The following PKIB variants were observed in gnomAD, a reference collection of about 807,000 sequenced individuals.
PKIB encodes cAMP-dependent protein kinase inhibitor beta.
Under a neutral mutation model 4.5 loss-of-function variants are expected in PKIB, and 2 were observed. That is an observed-to-expected ratio of 0.44 (90% CI 0.18 to 1.39). The LOEUF (loss-of-function observed/expected upper bound fraction) is 1.39. Ranked by LOEUF, PKIB falls within the 40% of genes most tolerant of loss-of-function variation. The probability of loss-of-function intolerance (pLI) is 0.27; values close to 1 mark genes in which losing one functional copy is unlikely to be tolerated. For synonymous variants in PKIB, 38 were observed against 36.0 expected (o/e 1.06, Z -0.20); for missense variants, 94 against 92.6 (o/e 1.02, Z -0.06).
intron 2 of PKIB, chr6:122,581,689 C>T (rs1036729614): frequency 2.6e-5 from 4 of 151,878 alleles, no homozygotes; most frequent in African/African-American, 9.7e-5. Flanking sequence ...TGTGATTTAC[C>T]TAGGTGCATT....
At chr6:122,570,493 C>A (rs1000252737) in intron 2 of PKIB, among the ~76,000 whole-genome samples, 6 of 152,140 alleles carry the variant, frequency 3.9e-5, no homozygotes, top group African/African-American at 1.4e-4. Context: ...AAAGCATACA[C>A]CATGGGAGAA....
At chr6:122,714,950 A>ATT (rs200174552) in intron 3 of PKIB, among the ~76,000 whole-genome samples, 22 of 150,370 alleles carry the variant, frequency 1.5e-4, no homozygotes, top group African/African-American at 5.4e-4. Flanking sequence ...ATACCTGACT[A>ATT]TTTTTTTTTA....
At chr6:122,505,695 T>G (rs1776375539) in intron 2 of PKIB, among the ~76,000 whole-genome samples, 1 of 152,118 alleles carries the variant, frequency 6.6e-6, no homozygotes, top group Non-Finnish European at 1.5e-5. Flanking sequence ...TTAATATTAA[T>G]TTTTTATCCC....
chr6:122,587,626 A>G (rs1268296731), intron 3 of PKIB, among the ~76,000 whole-genome samples: 1 of 152,190 alleles, frequency 6.6e-6, no homozygotes, highest in Non-Finnish European at 1.5e-5. Flanking sequence ...TGGTTGAACT[A>G]GTTTACAGCC....
chr6:122,642,443 C>T (rs1444784912), intron 2 of PKIB, among the ~76,000 whole-genome samples: 2 of 152,194 alleles, frequency 1.3e-5, no homozygotes, highest in Non-Finnish European at 2.9e-5. Context: ...CTTAGAGACA[C>T]CTCGTTAGAA....
At chr6:122,483,471 G>A (rs1775682895) in intron 2 of PKIB, 1 of 152,050 alleles carries the variant, frequency 6.6e-6, no homozygotes, top group Admixed American at 6.6e-5. Context: ...ACACTCCTAG[G>A]TTTTCTGGTT....
chr6:122,477,769 T>G (rs548507078), intron 1 of PKIB: 14 of 152,366 alleles, frequency 9.2e-5, no homozygotes, highest in African/African-American at 3.4e-4. Context: ...TTGTCCATTA[T>G]TGCGTAAAAC....
At chr6:122,530,726 G>T (rs773499426) in intron 2 of PKIB, among the ~76,000 whole-genome samples, 71 of 152,186 alleles carry the variant, frequency 4.7e-4, no homozygotes, top group Admixed American at 7.2e-4. Flanking sequence ...TCCCAGTCAG[G>T]TGAGAAAGAG....
At chr6:122,517,364 A>T (rs1776793635) in intron 2 of PKIB, among the ~76,000 whole-genome samples, 1 of 152,226 alleles carries the variant, frequency 6.6e-6, no homozygotes, top group Non-Finnish European at 1.5e-5. Context: ...CTTTTAGGAA[A>T]TGTTTAAATA....
chr6:122,513,201 G>A (rs1276110891), intron 2 of PKIB, among the ~76,000 whole-genome samples: 1 of 152,204 alleles, frequency 6.6e-6, no homozygotes, highest in Non-Finnish European at 1.5e-5. Flanking sequence ...TACAGTACTA[G>A]CCTTAAGAGG....
upstream of PKIB, among the ~76,000 whole-genome samples, chr6:122,608,256 C>G (rs13200194): frequency 6.6e-6 from 1 of 152,018 alleles, no homozygotes; most frequent in African/African-American, 2.4e-5. Flanking sequence ...AACCTTAAAA[C>G]CTTGTCTTAA....
chr6:122,607,545 T>G (rs1427304219), upstream of PKIB, among the ~76,000 whole-genome samples: 7 of 151,978 alleles, frequency 4.6e-5, no homozygotes, highest in South Asian at 1.5e-3. Context: ...AGATCCCTGC[T>G]CAACTGAACA....
chr6:122,520,659 G>C (rs1269380319), intron 2 of PKIB, among the ~76,000 whole-genome samples: 1 of 63,130 alleles, frequency 1.6e-5, no homozygotes, highest in Non-Finnish European at 3.3e-5. Context: ...GAAAGTTTAT[G>C]TTCCCACCCC....
chr6:122,541,323 G>T (rs1777590616), intron 2 of PKIB, among the ~76,000 whole-genome samples: 1 of 152,038 alleles, frequency 6.6e-6, no homozygotes, highest in African/African-American at 2.4e-5. Flanking sequence ...GGTGGTACCG[G>T]TTGTTCCTTT....
intron 2 of PKIB, among the ~76,000 whole-genome samples, chr6:122,561,164 A>G (rs911492763): frequency 6.6e-6 from 1 of 151,318 alleles, no homozygotes; most frequent in Admixed American, 6.6e-5. Flanking sequence ...AGTCTTTTTG[A>G]TGTAGGCGCT....
intron 3 of PKIB, among the ~76,000 whole-genome samples, chr6:122,597,318 C>T (rs1421196169): frequency 6.6e-6 from 1 of 152,136 alleles, no homozygotes; most frequent in African/African-American, 2.4e-5. Flanking sequence ...TAAGGTGGGA[C>T]AGTAAAGATA....
intron 2 of PKIB, among the ~76,000 whole-genome samples, chr6:122,510,176 T>G (rs949194799): frequency 2.6e-5 from 4 of 152,142 alleles, no homozygotes; most frequent in Non-Finnish European, 1.5e-5. Context: ...AAAGGAGTGG[T>G]TTTTTGAATT....
chr6:122,569,148 G>T (rs141749216), intron 2 of PKIB, among the ~76,000 whole-genome samples: 1 of 152,126 alleles, frequency 6.6e-6, no homozygotes, highest in Non-Finnish European at 1.5e-5. Flanking sequence ...GCACAGACCC[G>T]CCTAACCCTA....
intron 2 of PKIB, among the ~76,000 whole-genome samples, chr6:122,529,295 A>G (rs1001226803): frequency 1.3e-5 from 2 of 152,176 alleles, no homozygotes; most frequent in Non-Finnish European, 2.9e-5. Context: ...TTTTAAACAG[A>G]TAACAAGTAC....
Sources: allele counts gnomAD v4.1 joint callset (sites outside exome capture counted in the v4.1 genomes callset), GRCh38; gene constraint gnomAD v4.1.1; transcripts MANE v1.5; gene names NCBI Gene and HGNC (gene_info 2026-07-23, HGNC 2026-07-21).